Variants in UTRN observed in about 807,000 individuals in gnomAD.
The protein encoded by UTRN is dystrophin-related protein 1.
Under a neutral mutation model 463.9 loss-of-function variants are expected in UTRN, and 283 were observed. The ratio of observed to expected loss-of-function variants is 0.61; its 90% confidence interval spans 0.55 to 0.67. The LOEUF (loss-of-function observed/expected upper bound fraction) is 0.67, where lower values mean the gene tolerates loss of function less well. Ranked by LOEUF, UTRN falls within the 30% of genes least tolerant of loss-of-function variation. The probability of loss-of-function intolerance (pLI) is 0.00; values close to 1 mark genes in which losing one functional copy is unlikely to be tolerated. For missense variants in UTRN, 3,922 were observed against 4,084.3 expected (o/e 0.96, Z 1.08); for synonymous variants, 1,442 against 1,431.5 (o/e 1.01, Z -0.17).
At chr6:144,673,037 G>A (rs1259232155) in intron 51 of UTRN, among the ~76,000 whole-genome samples, 2 of 152,016 alleles carry the variant, frequency 1.3e-5, no homozygotes, top group African/African-American at 4.8e-5. Flanking sequence ...TTCTGAGAGA[G>A]CACTTGATAT....
At chr6:144,515,801 A>G (rs1795563825) in intron 37 of UTRN, among the ~76,000 whole-genome samples, 1 of 152,208 alleles carries the variant, frequency 6.6e-6, no homozygotes, top group African/African-American at 2.4e-5. Context: ...TTGTGTATGA[A>G]AATCCAAGGG....
chr6:144,794,124 AT>A, intron 63 of UTRN, 133 bp downstream of exon 63: 1 of 1,266,650 alleles, frequency 7.9e-7, no homozygotes, highest in Non-Finnish European at 1.1e-6. Context: ...CAAGTGGTGT[AT>A]TTTATTTCCT....
intron 38 of UTRN, 99 bp downstream of exon 38, chr6:144,516,486 A>T: frequency 7.7e-7 from 1 of 1,304,750 alleles, no homozygotes; most frequent in South Asian, 1.5e-5. Flanking sequence ...TCTGTCAAAC[A>T]TGATGAAACA....
intron 2 of UTRN, among the ~76,000 whole-genome samples, chr6:144,334,318 G>T (rs1037718863): frequency 6.6e-6 from 1 of 151,322 alleles, no homozygotes; most frequent in Non-Finnish European, 1.5e-5. Context: ...GTGTGTTTGG[G>T]GGGGGTGGGG....
chr6:144,768,846 C>T (rs1793643034), intron 58 of UTRN, among the ~76,000 whole-genome samples: 1 of 152,056 alleles, frequency 6.6e-6, no homozygotes, highest in South Asian at 2.1e-4. Flanking sequence ...CCTGCACAGG[C>T]AAAACTGGAT....
chr6:144,635,184 G>C (rs936265117), intron 51 of UTRN, among the ~76,000 whole-genome samples: 5 of 117,964 alleles, frequency 4.2e-5, no homozygotes, highest in Non-Finnish European at 6.6e-5. Context: ...GGGTTTTACT[G>C]TGTCACCCAG....
At chr6:144,538,405 C>T (rs1241157292) in intron 44 of UTRN, among the ~76,000 whole-genome samples, 1 of 151,648 alleles carries the variant, frequency 6.6e-6, no homozygotes, top group Non-Finnish European at 1.5e-5. Flanking sequence ...TGTGGTGGCT[C>T]ACGCCTGTAA....
chr6:144,321,920 C>T (rs772451884), intron 2 of UTRN, among the ~76,000 whole-genome samples: 13 of 152,068 alleles, frequency 8.5e-5, no homozygotes, highest in Non-Finnish European at 1.3e-4. Context: ...CCTACATTCA[C>T]GCCTGGCTGA....
chr6:144,539,675 C>T (rs570391052), intron 45 of UTRN, among the ~76,000 whole-genome samples: 115 of 152,166 alleles, frequency 7.6e-4, no homozygotes, highest in Non-Finnish European at 1.1e-3. Context: ...TTATATACTA[C>T]ATTAAATAAT....
chr6:144,380,833 A>G (rs185346396), intron 2 of UTRN, among the ~76,000 whole-genome samples: 1 of 152,332 alleles, frequency 6.6e-6, no homozygotes, highest in African/African-American at 2.4e-5. Context: ...AAATTAAAGT[A>G]CAACATTTGG....
In UTRN at chr6:144,465,225, C is replaced by T. The variant is rs114325243; in HGVS notation, c.3066+2359C>T. On this transcript the variant is annotated intron_variant, in intron 23 of 74. Transcript: ENST00000367545. ...AATGGAGATTAACCTCAGAGTTAGT[C>T]TTCTTTTGACTCTTAAAAGTATATC... Among the ~76,000 whole-genome samples the T allele has an allele frequency of 2.7e-3, 410 of 152,256 alleles. 5 individuals are homozygous for T. Among genetic ancestry groups the T allele is most frequent in the African/African-American group, 9.6e-3 (400 of 41,566 alleles).
chr6:144,542,889 T>C lies in UTRN; in HGVS notation c.6595+19T>C. 6.3e-7 allele frequency: 1 copy of C among 1,592,598 alleles called. No individual in the cohort carries two copies. Among genetic ancestry groups the C allele is most frequent in the Non-Finnish European group, 8.5e-7 (1 of 1,169,816 alleles). On this transcript the variant is annotated intron_variant, in intron 46 of 74. Transcript: ENST00000367545. ...ATTGCTGGTAAGATATGTTTATCTT[T>C]AACAAAGTTTTTTAAAAAATCAGTA...
chr6:144,514,566 C>A, intron 36 of UTRN, 84 bp from the exon 37 acceptor site: 1 of 1,399,398 alleles, frequency 7.1e-7, no homozygotes, highest in Non-Finnish European at 9.8e-7. Context: ...TTTATTTAAA[C>A]TACCTTTCCT....
intron 74 of UTRN, among the ~76,000 whole-genome samples, chr6:144,849,213 G>A (rs1288834477): frequency 6.6e-6 from 1 of 152,146 alleles, no homozygotes; most frequent in Non-Finnish European, 1.5e-5. Flanking sequence ...AAAGGGGTAT[G>A]CAGATCTCTA....
At chr6:144,344,423 C>A in intron 2 of UTRN, 1 of 1,143,464 alleles carries the variant, frequency 8.7e-7, no homozygotes, top group Non-Finnish European at 1.1e-6. Flanking sequence ...AGGCTGGTGA[C>A]GGGAACAGAC....
At chr6:144,593,267 C>T (rs1480734008) in intron 51 of UTRN, among the ~76,000 whole-genome samples, 1 of 152,198 alleles carries the variant, frequency 6.6e-6, no homozygotes, top group Non-Finnish European at 1.5e-5. Context: ...GAAAAGTACA[C>T]TCCACAGAGT....
chr6:144,498,994 T>G (rs1362026984), intron 33 of UTRN, among the ~76,000 whole-genome samples: 1 of 152,106 alleles, frequency 6.6e-6, no homozygotes, highest in East Asian at 1.9e-4. Context: ...TTTTGAGGGC[T>G]ATACCTCTGC....
intron 15 of UTRN, 33 bp from the exon 16 acceptor site, chr6:144,447,569 A>G: frequency 6.2e-7 from 1 of 1,606,062 alleles, no homozygotes; most frequent in South Asian, 1.1e-5. Context: ...GTCCTGTTAA[A>G]AAGAGTCATC....
chr6:144,475,458 T>A (rs774543977), intron 25 of UTRN, among the ~76,000 whole-genome samples: 3 of 152,126 alleles, frequency 2.0e-5, no homozygotes, highest in African/African-American at 4.8e-5. Flanking sequence ...TGGGAATATT[T>A]GAGGTTAGAG....
Sources: allele counts gnomAD v4.1 joint callset (sites outside exome capture counted in the v4.1 genomes callset), GRCh38; gene constraint gnomAD v4.1.1; transcripts MANE v1.5; gene names NCBI Gene and HGNC (gene_info 2026-07-23, HGNC 2026-07-21).